Variants in PHKB observed in about 807,000 individuals in gnomAD.
The protein encoded by PHKB is phosphorylase b kinase regulatory subunit beta.
In PHKB, 122 loss-of-function variants were observed where a neutral mutation model predicts 152.1. The observed-to-expected ratio is 0.80, with a 90% confidence interval of 0.69 to 0.93. The LOEUF (loss-of-function observed/expected upper bound fraction) is 0.93. Ranked by LOEUF, PHKB falls within the 40% of genes least tolerant of loss-of-function variation. The pLI, the probability that PHKB is intolerant of heterozygous loss-of-function variation, is 0.00. For synonymous variants in PHKB, 436 were observed against 464.9 expected (o/e 0.94, Z 0.80); for missense variants, 1,304 against 1,328.4 (o/e 0.98, Z 0.29).
At chr16:47,614,875 G>T (rs1013887513) in intron 14 of PHKB, among the ~76,000 whole-genome samples, 5 of 152,028 alleles carry the variant, frequency 3.3e-5, no homozygotes, top group Admixed American at 6.6e-5. Context: ...TTTTCTTTCT[G>T]TTTGGAGACC....
chr16:47,538,867 CT>C (rs1971001050), intron 6 of PHKB, among the ~76,000 whole-genome samples: 1 of 152,110 alleles, frequency 6.6e-6, no homozygotes, highest in Non-Finnish European at 1.5e-5. Context: ...CCTTGGCTTT[CT>C]GTGTTATTGT....
chr16:47,664,805 T>C (rs1011532), intron 24 of PHKB, 80 bp from the exon 25 acceptor site: 2 of 840,024 alleles, frequency 2.4e-6, no homozygotes, highest in Admixed American at 3.9e-5. Context: ...TTTAGAATGC[T>C]GACTGTTATG....
intron 1 of PHKB, among the ~76,000 whole-genome samples, chr16:47,466,174 A>G (rs1265898134): frequency 1.3e-5 from 2 of 152,198 alleles, no homozygotes; most frequent in East Asian, 3.8e-4. Context: ...GCTGTGGTTG[A>G]AAGAAATTTG....
At chr16:47,525,652 A>AT (rs1334637938) in intron 6 of PHKB, among the ~76,000 whole-genome samples, 6 of 152,010 alleles carry the variant, frequency 3.9e-5, no homozygotes, top group East Asian at 1.9e-4. Flanking sequence ...AGCTTTAAGG[A>AT]TTTTTTTTGC....
intron 1 of PHKB, among the ~76,000 whole-genome samples, chr16:47,465,237 A>G (rs1411002534): frequency 1.3e-5 from 2 of 152,078 alleles, no homozygotes; most frequent in Non-Finnish European, 2.9e-5. Context: ...ATATCTCTAG[A>G]CTCTGTTTTC....
At chr16:47,461,492 T>G in intron 1 of PHKB, 66 bp downstream of exon 1, 1 of 1,536,394 alleles carries the variant, frequency 6.5e-7, no homozygotes, top group South Asian at 1.1e-5. Flanking sequence ...TCAAGCGCCT[T>G]GGCGGGAGGC....
chr16:47,617,116 T>C (rs1235481704), intron 14 of PHKB, among the ~76,000 whole-genome samples: 3 of 151,384 alleles, frequency 2.0e-5, no homozygotes, highest in African/African-American at 7.3e-5. Context: ...ATGTCCAGTT[T>C]TGGGGCCAGT....
chr16:47,549,568 G>A (rs767005788), intron 7 of PHKB, among the ~76,000 whole-genome samples: 15 of 152,146 alleles, frequency 9.9e-5, no homozygotes, highest in South Asian at 4.2e-4. Context: ...GGTGGCATGC[G>A]CCTGTAATCC....
chr16:47,544,501 C>T (rs1971123036), intron 6 of PHKB, among the ~76,000 whole-genome samples: 2 of 152,200 alleles, frequency 1.3e-5, no homozygotes, highest in Admixed American at 6.5e-5. Flanking sequence ...GAGTGCTTTA[C>T]TTCCACGTAT....
In PHKB at chr16:47,666,122, G is replaced by C. The variant is rs1037420617; in HGVS notation, c.2427+1147G>C. On this transcript the variant is annotated intron_variant, in intron 25 of 30. Transcript: ENST00000323584. ...AATTTTAAGTCTGGCAAACCTCAAT[G>C]TCATAGGCCTCTTACAATCAGATTT... The C allele has an allele frequency of 2.1e-5, 18 of 850,964 alleles. No homozygotes were observed. In the African/African-American group the frequency reaches 2.7e-4, roughly 13 times the overall value. The allele number at this position is 850,964 out of a possible 1,614,324, so 52.7% of individuals were successfully genotyped here.
chr16:47,616,107 C>T, intron 14 of PHKB, among the ~76,000 whole-genome samples: 1 of 151,656 alleles, frequency 6.6e-6, no homozygotes, highest in Non-Finnish European at 1.5e-5. Context: ...ATATTTTCTC[C>T]CATTCTGTGG....
intron 26 of PHKB, among the ~76,000 whole-genome samples, chr16:47,681,190 C>T (rs1167756485): frequency 6.6e-6 from 1 of 152,056 alleles, no homozygotes; most frequent in Non-Finnish European, 1.5e-5. Context: ...TTACTTCCAA[C>T]TATGTAGTCA....
At chr16:47,665,266 A>C in intron 25 of PHKB, 1 of 351,046 alleles carries the variant, frequency 2.8e-6, no homozygotes, top group South Asian at 2.9e-5. Context: ...TCTATCTAAA[A>C]GTTCCACGAG....
intron 10 of PHKB, among the ~76,000 whole-genome samples, chr16:47,590,065 C>T (rs1427889728): frequency 1.3e-5 from 2 of 152,146 alleles, no homozygotes; most frequent in Non-Finnish European, 2.9e-5. Context: ...GCTGGGATTA[C>T]AAGCGTGAGC....
At chr16:47,536,441 C>T (rs1970954166) in intron 6 of PHKB, among the ~76,000 whole-genome samples, 1 of 152,156 alleles carries the variant, frequency 6.6e-6, no homozygotes, top group Non-Finnish European at 1.5e-5. Flanking sequence ...GTGAGAACTA[C>T]AAGAAGTTTA....
chr16:47,503,721 C>T (rs901367930), intron 4 of PHKB, among the ~76,000 whole-genome samples: 10 of 151,980 alleles, frequency 6.6e-5, no homozygotes, highest in Admixed American at 4.6e-4. Context: ...CTCAGCTACT[C>T]GGGAGGCTGA....
intron 6 of PHKB, among the ~76,000 whole-genome samples, chr16:47,544,186 T>A (rs1043129552): frequency 6.6e-6 from 1 of 152,228 alleles, no homozygotes; most frequent in Non-Finnish European, 1.5e-5. Flanking sequence ...TGTTAGGGTG[T>A]CGATTTTGGA....
chr16:47,464,984 T>C (rs1969642742), intron 1 of PHKB, among the ~76,000 whole-genome samples: 1 of 152,194 alleles, frequency 6.6e-6, no homozygotes, highest in Non-Finnish European at 1.5e-5. Flanking sequence ...GAAGTGTTTC[T>C]CCCTCTTCAT....
chr16:47,487,908 C>T (rs1395011410), intron 1 of PHKB, among the ~76,000 whole-genome samples: 1 of 152,156 alleles, frequency 6.6e-6, no homozygotes, highest in Non-Finnish European at 1.5e-5. Context: ...CATACACATG[C>T]ATGTGTCTTT....
Sources: gnomAD v4.1 joint callset for allele counts (sites outside exome capture counted in the v4.1 genomes callset) on GRCh38, gnomAD v4.1.1 for gene constraint, MANE v1.5 for transcripts, NCBI Gene and HGNC (gene_info 2026-07-23, HGNC 2026-07-21) for gene names.